CUL9: variants seen among roughly 807,000 people sequenced by gnomAD.
CUL9 encodes the protein cullin 9, also known as cullin-9.
Under a neutral mutation model 272.6 loss-of-function variants are expected in CUL9, and 79 were observed. The ratio of observed to expected loss-of-function variants is 0.29; its 90% CI spans 0.24 to 0.35. The LOEUF (loss-of-function observed/expected upper bound fraction) is 0.35, where lower values mean the gene tolerates loss of function less well. Ranked by LOEUF, CUL9 falls within the 10% of genes least tolerant of loss-of-function variation. The pLI is 1.00. For synonymous variants in CUL9, 1,186 were observed against 1,286.5 expected (o/e 0.92, Z 1.67); for missense variants, 2,532 against 3,255.6 (o/e 0.78, Z 5.41).
In CUL9 at chr6:43,206,082, C is replaced by T; in HGVS notation, c.4869C>T (p.Leu1623=). Residue 1623 remains leucine, a synonymous_variant, in exon 25 of 41, where the codon CTC becomes CTT. Transcript: ENST00000252050. This position sits in a 1 kb window ranked among gnomAD's most constrained non-coding sequence, Gnocchi z 4.8. ...GGGCTGTGCTAGAGCAGATTGGCCT[C>T]TGTTTTCCCAACCGCCTCCCACAGC... ...LEGAVLEQIG[L]CFPNRLPQLM... is the part of the protein sequence containing the mutation. 1 of 1,614,206 alleles carries T rather than the reference C, an allele frequency of 6.2e-7. No homozygotes were observed. Among genetic ancestry groups the T allele is most frequent in the Non-Finnish European group, 8.5e-7 (1 of 1,180,042 alleles).
rs567707987 is a variant in CUL9 at position 43,220,551 on chromosome 6, C to T, written c.6375C>T (p.Thr2125=). ...TTGCCGACTGCCCCGCCCAGCCCAC[C>T]GGAGCCTTCATTCGTGCCATCGTCT... ...CPIADCPAQP[T]GAFIRAIVSS... is the part of the protein sequence containing the mutation. Residue 2125 remains threonine, a synonymous_variant, in exon 32 of 41, where the codon ACC becomes ACT. Transcript: ENST00000252050. The surrounding 1 kb of genome is among the most constrained non-coding windows in gnomAD (Gnocchi z 4.9). The T allele has an allele frequency of 2.8e-5, 45 of 1,614,026 alleles. No homozygotes were observed. The South Asian group carries it at 4.1e-4, about 15-fold the overall frequency.
rs150178628 is a variant in CUL9 at position 43,204,809 on chromosome 6, C to G, written c.4401C>G (p.Ser1467Arg). ...SPAPSPVLPSSSLRNITQCWL... is the reference protein window; with the variant it reads ...SPAPSPVLPSRSLRNITQCWL... ...CGCCTTCGCCAGTGCTTCCAAGCAG[C>G]AGCCTGAGGAACATAACCCAGTGCT... The change falls in exon 22 of 41, where the codon AGC becomes AGG. Residue 1467 changes from serine to arginine, a missense_variant. By Grantham distance (110) the Ser-to-Arg change is moderately radical (BLOSUM62 -1). Coordinates refer to ENST00000252050, the MANE Select transcript of CUL9 (RefSeq NM_015089.4). 9.9e-4 allele frequency: 1,601 copies of G among 1,614,208 alleles called. 1 individual carries two copies. The highest frequency in any genetic ancestry group is 1.3e-3 in the Non-Finnish European group (1,518 of 1,180,028).
chr6:43,198,426 A>G, intron 11 of CUL9, 183 bp from the exon 12 acceptor site: 3 of 984,828 alleles, frequency 3.0e-6, no homozygotes, highest in Non-Finnish European at 3.6e-6. Context: ...TTTTTTTCAA[A>G]TCTGATTAGG....
chr6:43,203,420 G>C lies in CUL9; in HGVS notation c.3853G>C (p.Gly1285Arg). 6.2e-7 allele frequency: 1 copy of C among 1,614,002 alleles called. No individual in the cohort carries two copies. Among genetic ancestry groups the C allele is most frequent in the Non-Finnish European group, 8.5e-7 (1 of 1,179,980 alleles). Reference protein sequence around the residue: ...QIRIKRCQQGGIDTRVRGVEV... With the variant: ...QIRIKRCQQGRIDTRVRGVEV... ...GATAAGTCTGTGCATGTTCCAGGGCGGCATTGACACCCGGGTTCGGGGTGT... is the reference window on the plus strand; with the variant it reads ...GATAAGTCTGTGCATGTTCCAGGGCCGCATTGACACCCGGGTTCGGGGTGT... Residue 1285 changes from glycine to arginine, a missense_variant, in exon 19 of 41, where the codon GGC (glycine) becomes CGC (arginine). This residue lies in a region of CUL9 where 2,218 missense variants were observed against 2,788.6 expected (regional missense o/e 0.80). Transcript: ENST00000252050. The surrounding 1 kb of genome is among the most constrained non-coding windows in gnomAD (Gnocchi z 5.0).
At chr6:43,195,939 A>G in intron 9 of CUL9, 130 bp from the exon 10 acceptor site, 1 of 653,162 alleles carries the variant, frequency 1.5e-6, no homozygotes, top group South Asian at 2.1e-5. Flanking sequence ...TACCTCTTCC[A>G]TTTCTGTCTC....
chr6:43,185,847 G>A (rs1416202288), intron 3 of CUL9, 108 bp from the exon 4 acceptor site: 5 of 1,419,308 alleles, frequency 3.5e-6, no homozygotes, highest in East Asian at 2.3e-5. Flanking sequence ...AGAACTACAG[G>A]CCTGGGGAGA....
Position 43,203,234 on chromosome 6 carries a change from G to C in CUL9, c.3849+30G>C. The C allele has an allele frequency of 6.2e-7, 1 of 1,612,726 alleles. No individual in the cohort carries two copies. The highest frequency in any genetic ancestry group is 1.3e-5 in the African/African-American group (1 of 75,004). ...TGTTAGGGTGTCAGCCAGGGCTGAG[G>C]AGGAGGAGGTGGCACACAAGTTTCT... is the stretch of plus-strand genomic sequence containing the variant. On this transcript the variant is annotated intron_variant, in intron 18 of 40. Coordinates refer to ENST00000252050, the MANE Select transcript of CUL9 (RefSeq NM_015089.4). This position sits in a 1 kb window ranked among gnomAD's most constrained non-coding sequence, Gnocchi z 5.0.
chr6:43,187,826 C>A lies in CUL9; in HGVS notation c.1695C>A (p.Asn565Lys). ...FEGSTLNDLLNSQIYTKYGLL... is the reference protein window; with the variant it reads ...FEGSTLNDLLKSQIYTKYGLL... ...GCAGCACTCTCAATGACCTGCTCAA[C>A]TCCCAGATCTACACCAAGTATGGGC... Residue 565 changes from asparagine to lysine, a missense_variant, in exon 7 of 41, where the codon AAC (asparagine) becomes AAA (lysine). Physicochemically the swap from Asn to Lys is moderately conservative, Grantham distance 94. Transcript: ENST00000252050. The A allele has an allele frequency of 6.3e-7, 1 of 1,599,624 alleles. No homozygotes were observed. The highest frequency in any genetic ancestry group is 8.5e-7 in the Non-Finnish European group (1 of 1,173,010).
Position 43,216,247 on chromosome 6 carries a change from C to G in CUL9, c.6026C>G (p.Thr2009Arg). The change falls in exon 31 of 41, where the codon ACG becomes AGG. Residue 2009 changes from threonine to arginine, a missense_variant. Physicochemically the swap from Thr to Arg is moderately conservative, Grantham distance 71 (BLOSUM62 -1). Transcript: ENST00000252050. ...PQEVEGLMKQ[T>R]VRQVQETLNL... is the part of the protein sequence containing the mutation. ...GAAGTAGAAGGGTTGATGAAGCAGACGGTGCGTCAGGTGCAGGAGACGCTG... is the reference window on the plus strand; with the variant it reads ...GAAGTAGAAGGGTTGATGAAGCAGAGGGTGCGTCAGGTGCAGGAGACGCTG... The G allele has an allele frequency of 1.2e-6, 2 of 1,613,774 alleles. No homozygotes were observed. Among genetic ancestry groups the G allele is most frequent in the Non-Finnish European group, 8.5e-7 (1 of 1,179,800 alleles).
rs144518453 is a variant in CUL9 at position 43,187,294 on chromosome 6, C to T, written c.1436C>T (p.Pro479Leu). ...WNPMDGLYPL[P>L]YLQPEPQKNE... ...CCTATGGATGGGCTGTACCCTTTGC[C>T]GTACCTCCAGCCCGAACCTCAGAAG... The change falls in exon 6 of 41, where the codon CCG (proline) becomes CTG (leucine). Residue 479 changes from proline (P) to leucine (L), a missense_variant. Around this residue, in one of 3 missense-constraint regions of CUL9, gnomAD observed 2,218 missense variants for 2,788.6 expected, o/e 0.80. Transcript: ENST00000252050. 23 of 1,613,924 alleles carry T rather than the reference C, an allele frequency of 1.4e-5. No homozygotes were observed. In the East Asian group the frequency reaches 2.2e-4, roughly 16 times the overall value.
Position 43,195,950 on chromosome 6 carries a change from C to T in CUL9, c.2389-119C>T, listed in dbSNP as rs925417852. ...TCACTACCTCTTCCATTTCTGTCTC[C>T]TACTCTACCTATCTGCAAACAGCTC... On this transcript the variant is annotated intron_variant, in intron 9 of 40. Transcript: ENST00000252050. 17 of 727,232 alleles carry T rather than the reference C, an allele frequency of 2.3e-5. No individual in the cohort carries two copies. In the African/African-American group the frequency reaches 2.5e-4, roughly 11 times the overall value. The allele number at this position is 727,232 out of a possible 1,614,324, so 45.0% of individuals were successfully genotyped here. A position where few individuals can be genotyped will look rare whatever the true frequency, so the allele number is the denominator to read the frequency against.
intron 6 of CUL9, 132 bp downstream of exon 6, chr6:43,187,571 C>T (rs1773041771): frequency 1.5e-6 from 2 of 1,323,786 alleles, no homozygotes; most frequent in Non-Finnish European, 2.1e-6. Context: ...AGGAGTCCTG[C>T]TGGGGGTTGG....
chr6:43,202,778 T>C lies in CUL9; in HGVS notation c.3710T>C (p.Phe1237Ser), dbSNP rs755738072. 3 of 1,613,954 alleles carry C rather than the reference T, an allele frequency of 1.9e-6. No individual in the cohort carries two copies. The highest frequency in any genetic ancestry group is 4.5e-5 in the East Asian group (2 of 44,858). ...TACATGCCAGCCAGGGTGGTGGTGT[T>C]TGGGGGTGACAGCACCAGCTGCATC... Reference protein sequence around the residue: ...SSYMPARVVVFGGDSTSCIGT... With the variant: ...SSYMPARVVVSGGDSTSCIGT... The change falls in exon 17 of 41, where the codon TTT (phenylalanine) becomes TCT (serine). Residue 1237 changes from phenylalanine (F) to serine (S), a missense_variant. By Grantham distance (155) the Phe-to-Ser change is radical (BLOSUM62 -2). Around this residue, in one of 3 missense-constraint regions of CUL9, gnomAD observed 2,218 missense variants for 2,788.6 expected, o/e 0.80. Coordinates refer to ENST00000252050, the MANE Select transcript of CUL9 (RefSeq NM_015089.4).
At position 43,213,734 on chromosome 6, in the gene CUL9, C is replaced by G; in HGVS notation, c.5510C>G (p.Pro1837Arg). 1 of 1,613,550 alleles carries G rather than the reference C, an allele frequency of 6.2e-7. No individual in the cohort carries two copies. Among genetic ancestry groups the G allele is most frequent in the Non-Finnish European group, 8.5e-7 (1 of 1,179,966 alleles). Residue 1837 changes from proline (P) to arginine (R), a missense_variant, in exon 29 of 41, where the codon CCT (proline) becomes CGT (arginine). This residue lies in a region of CUL9 where 2,218 missense variants were observed against 2,788.6 expected (regional missense o/e 0.80). Transcript: ENST00000252050. This position sits in a 1 kb window ranked among gnomAD's most constrained non-coding sequence, Gnocchi z 5.7. ...CCAGGTGTGCTGCGGCTTCATGAGC[C>G]TGGGCCCCAGCGCAGTGGGGAGGCC... The part of the protein sequence containing the change: ...PHGGVLRLHE[P>R]GPQRSGEALW...
At position 43,200,828 on chromosome 6, in the gene CUL9, T is replaced by C. The variant is rs1434109825; in HGVS notation, c.3641T>C (p.Leu1214Pro). The change falls in exon 16 of 41, where the codon CTT (leucine) becomes CCT (proline). Residue 1214 changes from leucine (L) to proline (P), a missense_variant. Around this residue, in one of 3 missense-constraint regions of CUL9, gnomAD observed 2,218 missense variants for 2,788.6 expected, o/e 0.80. Transcript: ENST00000252050. The surrounding 1 kb of genome is among the most constrained non-coding windows in gnomAD (Gnocchi z 4.0). The stretch of plus-strand genomic sequence containing the variant: ...ACCCTGCACATGCACCGTGGTGTTC[T>C]TGTTAGGTGTGAACACACATATATG... ...YITLHMHRGV[L>P]VRQLTLLVAS... 3 of 1,614,234 alleles carry C rather than the reference T, an allele frequency of 1.9e-6. No individual in the cohort carries two copies. Among genetic ancestry groups the C allele is most frequent in the Admixed American group, 3.3e-5 (2 of 60,030 alleles).
In CUL9 at chr6:43,203,268, T is replaced by A. The variant is rs1774767449; in HGVS notation, c.3849+64T>A. 2 of 1,602,500 alleles carry A rather than the reference T, an allele frequency of 1.2e-6. No individual in the cohort carries two copies. Among genetic ancestry groups the A allele is most frequent in the East Asian group, 4.5e-5 (2 of 44,804 alleles). On this transcript the variant is annotated intron_variant, in intron 18 of 40. Transcript: ENST00000252050. The surrounding 1 kb of genome is among the most constrained non-coding windows in gnomAD (Gnocchi z 5.0). ...GTGGCACACAAGTTTCTCCTTGATC[T>A]GCTTGGGAGATGGCCCAGGACCTGT...
At position 43,215,224 on chromosome 6, in the gene CUL9, G is replaced by C. The variant is rs377066349; in HGVS notation, c.5834G>C (p.Arg1945Pro). ...GQGYVKRRDD[R>P]PQILMYAAPE... Reference sequence around the variant, plus strand: ...GGCTACGTGAAACGGCGTGATGACCGGCCCCAGATCCTGATGTATGCCGCT... The same window carrying C: ...GGCTACGTGAAACGGCGTGATGACCCGCCCCAGATCCTGATGTATGCCGCT... The change falls in exon 30 of 41, where the codon CGG becomes CCG. Residue 1945 changes from arginine (R) to proline (P), a missense_variant. Arg to Pro is a moderately radical substitution (Grantham distance 103). This residue lies in a region of CUL9 where 2,218 missense variants were observed against 2,788.6 expected (regional missense o/e 0.80). Transcript: ENST00000252050. The C allele has an allele frequency of 1.9e-6, 3 of 1,614,176 alleles. No individual in the cohort carries two copies. The highest frequency in any genetic ancestry group is 1.7e-6 in the Non-Finnish European group (2 of 1,180,034).
chr6:43,205,907 T>C, intron 24 of CUL9, 100 bp from the exon 25 acceptor site: 1 of 960,398 alleles, frequency 1.0e-6, no homozygotes, highest in Middle Eastern at 2.8e-4. Context: ...GTAGGGTATG[T>C]GACTCAGGCA....
intron 12 of CUL9, 84 bp downstream of exon 12, chr6:43,198,939 CTT>C (rs540298989): frequency 6.3e-3 from 7,613 of 1,212,822 alleles, no homozygotes; most frequent in Non-Finnish European, 6.9e-3. Context: ...TTTCTGTTTT[CTT>C]TTTTTTTTTT....
Sources: gnomAD v4.1 joint callset for allele counts on GRCh38, gnomAD v4.1.1 for gene constraint, gnomAD v4.1.1 regional missense constraint, Gnocchi (gnomAD v3.1) non-coding constraint, MANE v1.5 for transcripts, NCBI Gene and HGNC (gene_info 2026-07-23, HGNC 2026-07-21) for gene names.